The following COL3A1 variants were observed in gnomAD, a reference collection of about 807,000 sequenced individuals.
COL3A1 encodes the protein collagen alpha-1(III) chain.
In COL3A1, 46 loss-of-function variants were observed where a neutral mutation model predicts 200.9. That is an observed-to-expected ratio of 0.23 (90% confidence interval 0.18 to 0.29). The LOEUF (loss-of-function observed/expected upper bound fraction) is 0.29. Ranked by LOEUF, COL3A1 falls within the 10% of genes least tolerant of loss-of-function variation. The pLI is 1.00. For missense variants in COL3A1, 1,367 were observed against 1,917.6 expected, an observed-to-expected ratio of 0.71 and a Z score of 5.36; for synonymous variants, 650 against 628.0, an observed-to-expected ratio of 1.03 and a Z score of -0.52.
chr2:188,988,172 T>C lies in COL3A1; in HGVS notation c.582+38T>C, dbSNP rs200733309. 12 of 1,554,910 alleles carry C rather than the reference T, an allele frequency of 7.7e-6. No individual in the cohort carries two copies. In the East Asian group the frequency reaches 2.5e-4, roughly 32 times the overall value. On this transcript the variant is annotated intron_variant, in intron 6 of 50. Transcript: ENST00000304636. ...ATTGGTGGTGTTTTCTTCCTCATTT[T>C]TAGAAAAATCAAATTAATATATATT...
chr2:188,987,351 T>C (rs1576461818), intron 5 of COL3A1, among the ~76,000 whole-genome samples: 1 of 146,954 alleles, frequency 6.8e-6, no homozygotes, highest in East Asian at 1.9e-4. Context: ...ATATAAATTT[T>C]TACTAAAAAA....
chr2:188,986,040 A>G (rs1346593890), intron 4 of COL3A1, among the ~76,000 whole-genome samples: 2 of 152,056 alleles, frequency 1.3e-5, no homozygotes, highest in African/African-American at 2.4e-5. Flanking sequence ...GATATATAGC[A>G]TACACATTAT....
intron 33 of COL3A1, 29 bp downstream of exon 33, chr2:189,001,479 A>G (rs1559059556): frequency 1.2e-6 from 2 of 1,614,108 alleles, no homozygotes; most frequent in Non-Finnish European, 1.7e-6. Flanking sequence ...TGGATATAAA[A>G]AGAAAATGTC....
chr2:188,994,381 C>T lies in COL3A1; in HGVS notation c.1293+49C>T. The T allele has an allele frequency of 6.2e-7, 1 of 1,606,588 alleles. No homozygotes were observed. The highest frequency in any genetic ancestry group is 8.5e-7 in the Non-Finnish European group (1 of 1,174,050). ...GTTGACTGAAAGGTATAGTTTAATT[C>T]CATCAACAAAAAATTAATAGCAAAA... On this transcript the variant is annotated intron_variant, in intron 18 of 50. Transcript: ENST00000304636. The surrounding 1 kb of genome is among the most constrained non-coding windows in gnomAD (Gnocchi z 4.5).
chr2:188,987,975 T>C, intron 5 of COL3A1, 106 bp from the exon 6 acceptor site: 1 of 843,412 alleles, frequency 1.2e-6, no homozygotes, highest in East Asian at 2.5e-5. Context: ...AAAGATGAGA[T>C]ATAGTTGTTC....
At position 188,994,890 on chromosome 2, in the gene COL3A1, T is replaced by C. The variant is rs1688270347; in HGVS notation, c.1455+59T>C. ...AGCATCACTGTCATCTAAATAAAAC[T>C]ACCTTCAGGGTGAGACAGCCAATTT... On this transcript the variant is annotated intron_variant, in intron 20 of 50. Transcript: ENST00000304636. The surrounding 1 kb of genome is among the most constrained non-coding windows in gnomAD (Gnocchi z 4.5). The C allele has an allele frequency of 6.3e-7, 1 of 1,593,540 alleles. No homozygotes were observed. Among genetic ancestry groups the C allele is most frequent in the Non-Finnish European group, 8.6e-7 (1 of 1,162,464 alleles).
chr2:188,997,227 C>T lies in COL3A1; in HGVS notation c.1815+9C>T. 6.2e-7 allele frequency: 1 copy of T among 1,613,996 alleles called. No individual in the cohort carries two copies. Among genetic ancestry groups the T allele is most frequent in the Non-Finnish European group, 8.5e-7 (1 of 1,179,972 alleles). On this transcript the variant is annotated intron_variant, in intron 25 of 50. Coordinates refer to ENST00000304636, the MANE Select transcript of COL3A1 (RefSeq NM_000090.4). Reference sequence around the variant, plus strand: ...GAGGACCTGGCCCTCAGGTACGTAGCTTTCCTCAATTTATTTCTAGCCTTC... The same window carrying T: ...GAGGACCTGGCCCTCAGGTACGTAGTTTTCCTCAATTTATTTCTAGCCTTC...
intron 49 of COL3A1, 60 bp downstream of exon 49, chr2:189,010,425 A>G: frequency 3.1e-6 from 5 of 1,591,486 alleles, no homozygotes; most frequent in Middle Eastern, 1.7e-4. Context: ...TATTCTTCCT[A>G]TATGTTCATC....
In COL3A1 at chr2:188,990,091, C is replaced by A; in HGVS notation, c.691-5C>A. 1.2e-6 allele frequency: 2 copies of A among 1,613,394 alleles called. No individual in the cohort carries two copies. Among genetic ancestry groups the A allele is most frequent in the Non-Finnish European group, 1.7e-6 (2 of 1,179,516 alleles). The stretch of plus-strand genomic sequence containing the variant: ...CACCTACGTATTCTTTATTTCTCTA[C>A]CTAGGGAGAATCAGGTAGACCCGGA... On this transcript the variant is annotated splice_region_variant and splice_polypyrimidine_tract_variant and intron_variant, in intron 8 of 50. Coordinates refer to ENST00000304636, the MANE Select transcript of COL3A1 (RefSeq NM_000090.4).
chr2:188,978,386 C>G (rs1236304195), intron 1 of COL3A1, among the ~76,000 whole-genome samples: 1 of 151,942 alleles, frequency 6.6e-6, no homozygotes, highest in East Asian at 1.9e-4. Flanking sequence ...GACAGCTCCT[C>G]AGGAAAGCCC....
intron 5 of COL3A1, 119 bp from the exon 6 acceptor site, chr2:188,987,962 T>C (rs1276464881): frequency 1.3e-6 from 1 of 779,286 alleles, no homozygotes; most frequent in Non-Finnish European, 2.3e-6. Context: ...CAAAAAGTTA[T>C]CAAAAGATGA....
chr2:189,010,642 T>C lies in COL3A1; in HGVS notation c.4012-6T>C. Reference sequence around the variant, plus strand: ...TTTGATCTGTTTTATTTGTTCCCTATTACAGTTTAGCTACGGCAATCCTGA... The same window carrying C: ...TTTGATCTGTTTTATTTGTTCCCTACTACAGTTTAGCTACGGCAATCCTGA... On this transcript the variant is annotated splice_polypyrimidine_tract_variant and splice_region_variant and intron_variant, in intron 49 of 50. Transcript: ENST00000304636. 1.2e-6 allele frequency: 2 copies of C among 1,614,148 alleles called. No individual in the cohort carries two copies. The highest frequency in any genetic ancestry group is 1.7e-6 in the Non-Finnish European group (2 of 1,179,986).
chr2:189,002,798 T>C (rs1688496172), intron 35 of COL3A1, among the ~76,000 whole-genome samples, 157 bp from the exon 36 acceptor site: 1 of 152,218 alleles, frequency 6.6e-6, no homozygotes, highest in Non-Finnish European at 1.5e-5. Context: ...AATATTTTGA[T>C]TGGCTTCATT....
chr2:189,007,033 T>C, intron 44 of COL3A1, 43 bp downstream of exon 44: 1 of 1,542,140 alleles, frequency 6.5e-7, no homozygotes, highest in Non-Finnish European at 8.9e-7. Context: ...TTTGTTCTTT[T>C]TTTAACTCAT....
chr2:189,005,832 A>G, intron 41 of COL3A1, among the ~76,000 whole-genome samples: 1 of 152,124 alleles, frequency 6.6e-6, no homozygotes, highest in East Asian at 1.9e-4. Context: ...ATAATTGTAT[A>G]CATTTATAAG....
chr2:188,996,962 C>T (rs1254258229), intron 24 of COL3A1, among the ~76,000 whole-genome samples: 1 of 151,612 alleles, frequency 6.6e-6, no homozygotes, highest in Non-Finnish European at 1.5e-5. Context: ...GCACTCCAGC[C>T]TGGGCGACAG....
chr2:189,002,403 T>C (rs1486671930), intron 35 of COL3A1, 52 bp downstream of exon 35: 2 of 1,539,958 alleles, frequency 1.3e-6, no homozygotes, highest in Non-Finnish European at 1.8e-6. Flanking sequence ...ATCTCTATCT[T>C]GCTGAAAAAT....
rs1559064178 is a variant in COL3A1 at position 189,011,663 on chromosome 2, A to C, written c.4290A>C (p.Glu1430Asp). The C allele has an allele frequency of 3.7e-6, 6 of 1,614,036 alleles. No homozygotes were observed. Among genetic ancestry groups the C allele is most frequent in the Non-Finnish European group, 5.1e-6 (6 of 1,179,916 alleles). Residue 1430 changes from glutamate to aspartate, a missense_variant, in exon 51 of 51, where the codon GAA (glutamate) becomes GAC (aspartate). Physicochemically the swap from Glu to Asp is conservative, Grantham distance 45. Coordinates refer to ENST00000304636, the MANE Select transcript of COL3A1 (RefSeq NM_000090.4). ...GGGAATGGAGCAAAACAGTCTTTGA[A>C]TATCGAACACGCAAGGCTGTGAGAC... ...HTGEWSKTVF[E>D]YRTRKAVRLP...
chr2:188,982,223 A>G (rs73047634), intron 1 of COL3A1, among the ~76,000 whole-genome samples: 7,136 of 151,814 alleles, frequency 0.047, 541 homozygotes, highest in African/African-American at 0.16. Flanking sequence ...AAAAAGTACT[A>G]TAATATGTTT....
Sources: gnomAD v4.1 joint callset for allele counts (sites outside exome capture counted in the v4.1 genomes callset) on GRCh38, gnomAD v4.1.1 for gene constraint, Gnocchi (gnomAD v3.1) non-coding constraint, MANE v1.5 for transcripts, NCBI Gene and HGNC (gene_info 2026-07-23, HGNC 2026-07-21) for gene names.